The following COL24A1 variants were observed in gnomAD, a reference collection of about 807,000 sequenced individuals.
COL24A1 encodes collagen alpha-1(XXIV) chain.
Under a neutral mutation model 253.9 loss-of-function variants are expected in COL24A1, and 224 were observed. That is an observed-to-expected ratio of 0.88 (90% CI 0.79 to 0.99). The LOEUF (loss-of-function observed/expected upper bound fraction) is 0.99. COL24A1 is among the 50% of genes least tolerant of loss of function. The pLI is 0.00. For missense variants in COL24A1, 2,131 were observed against 2,068.5 expected (o/e 1.03, Z -0.59); for synonymous variants, 685 against 673.7 (o/e 1.02, Z -0.26).
At chr1:85,908,799 G>A in intron 26 of COL24A1, 148 bp from the exon 27 acceptor site, 1 of 427,566 alleles carries the variant, frequency 2.3e-6, no homozygotes, top group African/African-American at 2.1e-5. Context: ...AAAGGCCACA[G>A]GAAATATTCT....
Position 85,783,542 on chromosome 1 carries a change from G to A in COL24A1, c.4238C>T (p.Ala1413Val). The change falls in exon 51 of 60, where the codon GCT (alanine) becomes GTT (valine). Residue 1413 changes from alanine to valine, a missense_variant. By Grantham distance (64) the Ala-to-Val change is moderately conservative (BLOSUM62 0). Transcript: ENST00000370571. ...FPGPKGPEGD[A>V]GIVGISGPKG... ...AGGACCTGATATCCCAACAATGCCA[G>A]CATCCCCTTCAGGACCCTAGACATA... 2 of 1,613,306 alleles carry A rather than the reference G, an allele frequency of 1.2e-6. No individual in the cohort carries two copies. Among genetic ancestry groups the A allele is most frequent in the Non-Finnish European group, 1.7e-6 (2 of 1,179,488 alleles).
At chr1:85,959,718 T>C (rs575443597) in intron 24 of COL24A1, among the ~76,000 whole-genome samples, 1 of 152,258 alleles carries the variant, frequency 6.6e-6, no homozygotes, top group South Asian at 2.1e-4. Flanking sequence ...GCCAAGATAG[T>C]CTGTTTCCTC....
At chr1:85,792,792 A>G (rs182407401) in intron 47 of COL24A1, among the ~76,000 whole-genome samples, 260 of 152,232 alleles carry the variant, frequency 1.7e-3, no homozygotes, top group African/African-American at 5.7e-3. Flanking sequence ...TTATAATGAC[A>G]GCAAAAGTTT....
At chr1:85,760,132 G>T (rs1448765088) in intron 55 of COL24A1, among the ~76,000 whole-genome samples, 1 of 151,876 alleles carries the variant, frequency 6.6e-6, no homozygotes, top group Non-Finnish European at 1.5e-5. Context: ...GAGTGCGGTG[G>T]CATGATCTCG....
intron 19 of COL24A1, among the ~76,000 whole-genome samples, chr1:85,994,523 T>C (rs1694589366): frequency 6.6e-6 from 1 of 152,010 alleles, no homozygotes; most frequent in Non-Finnish European, 1.5e-5. Flanking sequence ...GATAATTTGG[T>C]CTGAGACAAG....
intron 52 of COL24A1, among the ~76,000 whole-genome samples, chr1:85,777,997 T>G (rs1430020703): frequency 2.0e-5 from 3 of 149,684 alleles, no homozygotes; most frequent in African/African-American, 7.4e-5. Context: ...TAAGAGCTCT[T>G]GGTATATGTG....
At chr1:86,108,755 C>T (rs935049408) in intron 5 of COL24A1, among the ~76,000 whole-genome samples, 4 of 150,784 alleles carry the variant, frequency 2.7e-5, no homozygotes, top group Admixed American at 1.3e-4. Flanking sequence ...TGCAGTGAGC[C>T]GAGATCGCAC....
intron 23 of COL24A1, among the ~76,000 whole-genome samples, chr1:85,963,267 T>C (rs2100694694): frequency 6.6e-6 from 1 of 152,248 alleles, no homozygotes; most frequent in Non-Finnish European, 1.5e-5. Context: ...AGCACAGCAG[T>C]AGGTTTTAAT....
At chr1:86,111,645 C>T (rs894048254) in intron 5 of COL24A1, among the ~76,000 whole-genome samples, 3 of 152,000 alleles carry the variant, frequency 2.0e-5, no homozygotes, top group Non-Finnish European at 2.9e-5. Context: ...CCCTTCCACA[C>T]TGTGGAAGCT....
chr1:85,918,392 C>T (rs187929206), intron 24 of COL24A1, among the ~76,000 whole-genome samples: 4 of 152,206 alleles, frequency 2.6e-5, no homozygotes, highest in Admixed American at 2.6e-4. Context: ...TTTATGGTGC[C>T]ATTCTTGTCT....
intron 57 of COL24A1, among the ~76,000 whole-genome samples, 170 bp from the exon 58 acceptor site, chr1:85,737,675 T>C (rs1664198140): frequency 6.6e-6 from 1 of 152,122 alleles, no homozygotes; most frequent in Admixed American, 6.6e-5. Flanking sequence ...GTGATTCTCA[T>C]GCCTCAACCT....
In COL24A1 at chr1:85,786,395, A is replaced by T. The variant is rs1185910916; in HGVS notation, c.4018T>A (p.Ser1340Thr). Residue 1340 changes from serine (S) to threonine (T), a missense_variant, in exon 48 of 60, where the codon TCA becomes ACA. Ser to Thr is a moderately conservative substitution (Grantham distance 58, BLOSUM62 1). Coordinates refer to ENST00000370571, the MANE Select transcript of COL24A1 (RefSeq NM_152890.7). ...CCTGGGCTTCCTGGCAAGCCTGATG[A>T]ACCCTTTACTCCTGGAGGACCTGGA... ...GAPGPPGVKG[S>T]SGLPGSPGIQ... 1 of 1,613,872 alleles carries T rather than the reference A, an allele frequency of 6.2e-7. No homozygotes were observed. The highest frequency in any genetic ancestry group is 1.7e-5 in the Admixed American group (1 of 60,000).
intron 3 of COL24A1, among the ~76,000 whole-genome samples, chr1:86,118,299 G>A (rs1455455954): frequency 1.3e-5 from 2 of 152,130 alleles, no homozygotes; most frequent in Non-Finnish European, 2.9e-5. Context: ...TCCTGACCTT[G>A]TGATCCCCCT....
In COL24A1 at chr1:86,046,869, C is replaced by T; in HGVS notation, c.1906G>A (p.Gly636Ser). The part of the protein sequence containing the change: ...AGQLGPEGER[G>S]IPGIRGKKGF... ...TTCTTTCCACGGATCCCAGGAATGC[C>T]CTAGAATATAGAAAAGAAAAAGGAA... Residue 636 changes from glycine to serine, a missense_variant and splice_region_variant, in exon 12 of 60, where the codon GGC (glycine) becomes AGC (serine). Transcript: ENST00000370571. The T allele has an allele frequency of 2.0e-6, 3 of 1,483,156 alleles. No individual in the cohort carries two copies. Among genetic ancestry groups the T allele is most frequent in the Non-Finnish European group, 2.8e-6 (3 of 1,061,736 alleles). The allele number at this position is 1,483,156 out of a possible 1,614,324, so 91.9% of individuals were successfully genotyped here.
At chr1:85,905,381 G>A (rs1684705964) in intron 28 of COL24A1, among the ~76,000 whole-genome samples, 2 of 152,160 alleles carry the variant, frequency 1.3e-5, no homozygotes, top group South Asian at 4.2e-4. Flanking sequence ...AGAGAAGAGA[G>A]TAAAAATAGG....
At chr1:85,992,318 G>A (rs1447871784) in intron 19 of COL24A1, among the ~76,000 whole-genome samples, 1 of 152,156 alleles carries the variant, frequency 6.6e-6, no homozygotes, top group African/African-American at 2.4e-5. Flanking sequence ...TTAAAAGGAG[G>A]AGAAAGATCT....
chr1:85,807,440 A>G (rs1437641213), intron 47 of COL24A1, among the ~76,000 whole-genome samples: 2 of 152,232 alleles, frequency 1.3e-5, no homozygotes, highest in Admixed American at 6.5e-5. Flanking sequence ...CTTTGCTATC[A>G]GAGAAAAGGT....
At chr1:85,922,701 G>T (rs993421902) in intron 24 of COL24A1, among the ~76,000 whole-genome samples, 1 of 152,126 alleles carries the variant, frequency 6.6e-6, no homozygotes, top group South Asian at 2.1e-4. Context: ...GGTACCAGCT[G>T]CTGCAAAAAA....
intron 12 of COL24A1, among the ~76,000 whole-genome samples, chr1:86,036,742 A>C (rs190110028): frequency 1.3e-5 from 2 of 152,214 alleles, no homozygotes; most frequent in African/African-American, 4.8e-5. Flanking sequence ...CAAAATACAT[A>C]TCTTTCCTTT....
Sources: gnomAD v4.1 joint callset for allele counts (sites outside exome capture counted in the v4.1 genomes callset) on GRCh38, gnomAD v4.1.1 for gene constraint, MANE v1.5 for transcripts, NCBI Gene and HGNC (gene_info 2026-07-23, HGNC 2026-07-21) for gene names.